Variants in FIGNL2 observed in about 807,000 individuals in gnomAD.
FIGNL2 encodes the protein fidgetin-like protein 2.
For synonymous variants in FIGNL2, 565 were observed against 484.0 expected (o/e 1.17, Z -2.20); for missense variants, 1,060 against 950.2 (o/e 1.12, Z -1.52).
chr12:51,820,630 C>T lies in FIGNL2; in HGVS notation c.1784G>A (p.Gly595Glu), dbSNP rs1939153532. 2 of 1,525,552 alleles carry T rather than the reference C, an allele frequency of 1.3e-6. No individual in the cohort carries two copies. The highest frequency in any genetic ancestry group is 1.2e-5 in the South Asian group (1 of 83,680). 94.5% of individuals were successfully genotyped at this position (1,525,552 alleles called of 1,614,324 possible). A position where few individuals can be genotyped will look rare whatever the true frequency, so the allele number is the denominator to read the frequency against. Residue 595 changes from glycine (G) to glutamate (E), a missense_variant, in exon 2 of 2, where the codon GGG becomes GAG. Transcript: ENST00000618634. ...ALVQGTQGFS[G>E]GELGQLCQQA... ...CTGGCACAGCTGCCCCAGCTCGCCC[C>T]CAGAGAAGCCCTGCGTGCCCTGCAC...
chr12:51,848,154 G>C (rs1201013048), intron 1 of FIGNL2: 10 of 984,460 alleles, frequency 1.0e-5, no homozygotes, highest in Non-Finnish European at 1.2e-5. Flanking sequence ...CGGCCCTCGG[G>C]CTCCGGACGC....
rs962289735 is a variant in FIGNL2 at position 51,818,728 on chromosome 12, T to TG, written c.*1723dup. The TG allele has an allele frequency of 6.6e-5, 10 of 150,466 alleles. No homozygotes were observed. The highest frequency in any genetic ancestry group is 1.3e-4 in the Non-Finnish European group (9 of 67,746). 9.3% of individuals were successfully genotyped at this position (150,466 alleles called of 1,614,324 possible). Reference sequence around the variant, plus strand: ...AGATGGGAGAGAGAAAAAGTGGTGGTGGGGGGGCGTGTCCCCTGCTTTGGA... The same window carrying TG: ...AGATGGGAGAGAGAAAAAGTGGTGGTGGGGGGGGCGTGTCCCCTGCTTTGGA... On this transcript the variant is annotated 3_prime_UTR_variant, in exon 2 of 2. Transcript: ENST00000618634.
Position 51,822,298 on chromosome 12 carries a change from C to T in FIGNL2, c.116G>A (p.Arg39His). Reference protein sequence around the residue: ...AHKLELPPGGRQRCHYAWAHD... With the variant: ...AHKLELPPGGHQRCHYAWAHD... ...TGCCCAAGCGTAGTGGCAGCGTTGG[C>T]GACCCCCAGGGGGCAACTCCAACTT... The change falls in exon 2 of 2, where the codon CGC becomes CAC. Residue 39 changes from arginine (R) to histidine (H), a missense_variant. Transcript: ENST00000618634. 1 of 1,611,346 alleles carries T rather than the reference C, an allele frequency of 6.2e-7. No homozygotes were observed. The highest frequency in any genetic ancestry group is 8.5e-7 in the Non-Finnish European group (1 of 1,178,930).
intron 1 of FIGNL2, among the ~76,000 whole-genome samples, chr12:51,831,071 G>T (rs1400967403): frequency 6.6e-6 from 1 of 152,052 alleles, no homozygotes; most frequent in Non-Finnish European, 1.5e-5. Context: ...CCAAAGTGCT[G>T]GGATTACAGG....
intron 1 of FIGNL2, chr12:51,845,354 C>A: frequency 1.9e-6 from 1 of 533,518 alleles, no homozygotes. Flanking sequence ...GGTCCCTCTG[C>A]CCTGATCTCC....
At chr12:51,847,697 G>A (rs919081636) in intron 1 of FIGNL2, 1 of 985,298 alleles carries the variant, frequency 1.0e-6, no homozygotes, top group African/African-American at 1.7e-5. Context: ...CGGGGCTGGG[G>A]AAGGGCACCA....
intron 1 of FIGNL2, among the ~76,000 whole-genome samples, chr12:51,828,769 C>T (rs1939395555): frequency 6.6e-6 from 1 of 152,224 alleles, no homozygotes; most frequent in African/African-American, 2.4e-5. Context: ...AGCTGTCACT[C>T]TGTGATCATG....
chr12:51,847,504 C>A (rs1259851921), intron 1 of FIGNL2: 7 of 985,346 alleles, frequency 7.1e-6, no homozygotes, highest in Non-Finnish European at 8.4e-6. Flanking sequence ...GAGACAGGGC[C>A]GGCAGCCTGA....
chr12:51,838,508 C>G (rs1002607423), intron 1 of FIGNL2, among the ~76,000 whole-genome samples: 3 of 152,192 alleles, frequency 2.0e-5, no homozygotes, highest in African/African-American at 4.8e-5. Flanking sequence ...TCTAGCCAGC[C>G]CTTCCCCCTC....
At chr12:51,828,950 C>A (rs1466041071) in intron 1 of FIGNL2, among the ~76,000 whole-genome samples, 5 of 152,218 alleles carry the variant, frequency 3.3e-5, no homozygotes, top group African/African-American at 1.2e-4. Context: ...CACCCTCCTC[C>A]AACCCCCGAA....
intron 1 of FIGNL2, among the ~76,000 whole-genome samples, chr12:51,842,900 C>T (rs1008125997): frequency 9.2e-5 from 14 of 152,352 alleles, no homozygotes; most frequent in African/African-American, 3.4e-4. Flanking sequence ...CTTGTGAGCT[C>T]CTTGAAGGTG....
intron 1 of FIGNL2, among the ~76,000 whole-genome samples, chr12:51,826,654 A>G (rs1486310895): frequency 6.6e-6 from 1 of 151,866 alleles, no homozygotes; most frequent in East Asian, 1.9e-4. Flanking sequence ...AAAAAAAAAA[A>G]AAAAAAAAAT....
At chr12:51,829,735 A>G (rs1939415145) in intron 1 of FIGNL2, among the ~76,000 whole-genome samples, 1 of 151,906 alleles carries the variant, frequency 6.6e-6, no homozygotes, top group South Asian at 2.1e-4. Context: ...GGGAAGAGAA[A>G]ACAAAGTGTT....
intron 1 of FIGNL2, among the ~76,000 whole-genome samples, chr12:51,844,054 CA>C (rs1948013468): frequency 1.3e-5 from 2 of 152,050 alleles, no homozygotes; most frequent in Admixed American, 1.3e-4. Context: ...AGCGGGTCCC[CA>C]AGGTAGGCTT....
chr12:51,841,100 A>T (rs1227476924), intron 1 of FIGNL2, among the ~76,000 whole-genome samples: 1 of 152,098 alleles, frequency 6.6e-6, no homozygotes. Flanking sequence ...CCCTCTTCCC[A>T]GCCCTGGGGG....
At chr12:51,832,689 T>A (rs1211652219) in intron 1 of FIGNL2, among the ~76,000 whole-genome samples, 1 of 152,174 alleles carries the variant, frequency 6.6e-6, no homozygotes, top group Non-Finnish European at 1.5e-5. Context: ...ATCTCCTAGC[T>A]TTGACCATCA....
chr12:51,832,108 C>T (rs1006425682), intron 1 of FIGNL2, among the ~76,000 whole-genome samples: 1 of 152,190 alleles, frequency 6.6e-6, no homozygotes, highest in Non-Finnish European at 1.5e-5. Context: ...CCTCTGCCTC[C>T]TGGATTTAAG....
At chr12:51,833,437 A>G (rs1157637548) in intron 1 of FIGNL2, among the ~76,000 whole-genome samples, 6 of 152,118 alleles carry the variant, frequency 3.9e-5, no homozygotes, top group Non-Finnish European at 7.4e-5. Flanking sequence ...AGCATGTTCC[A>G]TAAGTCATTC....
chr12:51,829,512 T>TGG (rs1290378440), intron 1 of FIGNL2, among the ~76,000 whole-genome samples: 1 of 152,176 alleles, frequency 6.6e-6, no homozygotes, highest in African/African-American at 2.4e-5. Flanking sequence ...AAAACCTGCC[T>TGG]GGGGGCTGCC....
Sources: allele counts gnomAD v4.1 joint callset (sites outside exome capture counted in the v4.1 genomes callset), GRCh38; gene constraint gnomAD v4.1.1; transcripts MANE v1.5; gene names NCBI Gene and HGNC (gene_info 2026-07-23, HGNC 2026-07-21).